DNAJB6: variants seen among roughly 807,000 people sequenced by gnomAD.
DNAJB6 encodes the protein DnaJ heat shock protein family (Hsp40) member B6.
In DNAJB6, 16 loss-of-function variants were observed where a neutral mutation model predicts 42.7. The ratio of observed to expected loss-of-function variants is 0.37; its 90% CI spans 0.25 to 0.57. The LOEUF (loss-of-function observed/expected upper bound fraction) is 0.57, where lower values mean the gene tolerates loss of function less well. Among genes scored for constraint, DNAJB6 ranks in the 20% least tolerant of loss-of-function variants. The pLI, the probability that DNAJB6 is intolerant of heterozygous loss-of-function variation, is 0.74. For missense variants in DNAJB6, 347 were observed against 416.8 expected, an observed-to-expected ratio of 0.83 and a Z score of 1.46; for synonymous variants, 170 against 163.5, an observed-to-expected ratio of 1.04 and a Z score of -0.30.
intron 2 of DNAJB6, among the ~76,000 whole-genome samples, chr7:157,361,275 T>C (rs1316942383): frequency 1.3e-5 from 2 of 151,782 alleles, no homozygotes; most frequent in Non-Finnish European, 2.9e-5. Context: ...TCTCCTGCCT[T>C]AGCCTCCCGA....
At chr7:157,367,596 C>T (rs550768992) in intron 5 of DNAJB6, 113 bp downstream of exon 5, 4 of 725,324 alleles carry the variant, frequency 5.5e-6, no homozygotes, top group Non-Finnish European at 9.9e-6. Context: ...CGCGGTGGCT[C>T]ATGCCTGTAA....
chr7:157,346,743 G>A (rs1383944673), intron 1 of DNAJB6, among the ~76,000 whole-genome samples: 5 of 152,232 alleles, frequency 3.3e-5, no homozygotes, highest in Non-Finnish European at 7.3e-5. Flanking sequence ...AAGCAGTAAG[G>A]AGTGAGCTTG....
At chr7:157,392,577 C>T (rs140490971) in intron 8 of DNAJB6, among the ~76,000 whole-genome samples, 1,864 of 152,190 alleles carry the variant, frequency 0.012, 36 homozygotes, top group African/African-American at 0.042. Flanking sequence ...GCGTTTCTGC[C>T]GGACTCTCGT....
intron 8 of DNAJB6, among the ~76,000 whole-genome samples, chr7:157,402,613 G>A (rs1260968234): frequency 2.6e-5 from 4 of 152,254 alleles, no homozygotes; most frequent in South Asian, 4.1e-4. Flanking sequence ...TGAGGGAGCC[G>A]GGTCCCAGGG....
chr7:157,339,340 C>T (rs1322726756), intron 1 of DNAJB6, among the ~76,000 whole-genome samples: 1 of 133,780 alleles, frequency 7.5e-6, no homozygotes, highest in Non-Finnish European at 1.5e-5. Flanking sequence ...GTCGCCCAGG[C>T]CGTAATTAAT....
chr7:157,391,932 G>A (rs192275254), intron 8 of DNAJB6, among the ~76,000 whole-genome samples: 3 of 151,798 alleles, frequency 2.0e-5, no homozygotes, highest in African/African-American at 4.8e-5. Context: ...GTCAAACCAC[G>A]TCTCTACAAA....
rs143472769 is a variant in DNAJB6 at position 157,355,557 on chromosome 7, G to A, written c.-26-2990G>A. ...AGTTGGACAAGGAGAGCTGGGAAAC[G>A]TCTGTGGGTGGTGCTGTGGGTTTTT... On this transcript the variant is annotated intron_variant, in intron 1 of 9. Coordinates refer to ENST00000262177, the MANE Select transcript of DNAJB6 (RefSeq NM_058246.4). Among the ~76,000 whole-genome samples, 742 of 152,332 alleles carry A rather than the reference G, an allele frequency of 4.9e-3. 5 individuals carry two copies. Among genetic ancestry groups the A allele is most frequent in the Non-Finnish European group, 7.3e-3 (499 of 68,034 alleles).
chr7:157,386,965 A>C (rs540563219), intron 8 of DNAJB6, among the ~76,000 whole-genome samples: 1 of 152,270 alleles, frequency 6.6e-6, no homozygotes, highest in East Asian at 1.9e-4. Flanking sequence ...ACCATTGGTA[A>C]CTAGAATCCT....
chr7:157,376,022 G>A (rs140824705), intron 5 of DNAJB6, among the ~76,000 whole-genome samples: 90 of 152,282 alleles, frequency 5.9e-4, no homozygotes, highest in African/African-American at 2.1e-3. Context: ...CCTGGGCCGC[G>A]GCTGGGAGTG....
intron 8 of DNAJB6, among the ~76,000 whole-genome samples, chr7:157,393,716 G>A (rs1025244361): frequency 3.9e-5 from 6 of 152,142 alleles, no homozygotes; most frequent in African/African-American, 7.2e-5. Context: ...GTAATTGTAC[G>A]TATTTGTAGG....
chr7:157,413,907 A>C (rs1046766963), intron 9 of DNAJB6: 1 of 151,518 alleles, frequency 6.6e-6, no homozygotes, highest in African/African-American at 2.4e-5. Context: ...TTTTTAGTAG[A>C]GATGTGGTTT....
At chr7:157,398,992 G>A (rs1173895309) in intron 8 of DNAJB6, among the ~76,000 whole-genome samples, 3 of 152,262 alleles carry the variant, frequency 2.0e-5, no homozygotes, top group Admixed American at 6.5e-5. Flanking sequence ...TATATAGAAA[G>A]ATTTTAGAAA....
Position 157,416,451 on chromosome 7 carries a change from G to T in DNAJB6, c.*353G>T, listed in dbSNP as rs183388200. ...GGCTTTAGAAGTACAGGAGGGCGCAGATGGCTAACTGAGTAACATTCATGA... is the reference window on the plus strand; with the variant it reads ...GGCTTTAGAAGTACAGGAGGGCGCATATGGCTAACTGAGTAACATTCATGA... On this transcript the variant is annotated 3_prime_UTR_variant, in exon 10 of 10. Coordinates refer to ENST00000262177, the MANE Select transcript of DNAJB6 (RefSeq NM_058246.4). 1 of 237,592 alleles carries T rather than the reference G, an allele frequency of 4.2e-6. No individual in the cohort carries two copies. The highest frequency in any genetic ancestry group is 5.2e-5 in the Admixed American group (1 of 19,346). The allele number at this position is 237,592 out of a possible 1,614,324, so 14.7% of individuals were successfully genotyped here. A position where few individuals can be genotyped will look rare whatever the true frequency, so the allele number is the denominator to read the frequency against.
Position 157,370,214 on chromosome 7 carries a change from C to T in DNAJB6, c.346+2731C>T, listed in dbSNP as rs1331335130. Among the ~76,000 whole-genome samples, 6 of 150,744 alleles carry T rather than the reference C, an allele frequency of 4.0e-5. No homozygotes were observed. The East Asian group carries it at 9.7e-4, about 24-fold the overall frequency. On this transcript the variant is annotated intron_variant, in intron 5 of 9. Coordinates refer to ENST00000262177, the MANE Select transcript of DNAJB6 (RefSeq NM_058246.4). Reference sequence around the variant, plus strand: ...TTCTTAACATTATTATTAAAGAGGCCCTTTCTTCACATTATTATTAAACAG... The same window carrying T: ...TTCTTAACATTATTATTAAAGAGGCTCTTTCTTCACATTATTATTAAACAG...
intron 3 of DNAJB6, among the ~76,000 whole-genome samples, chr7:157,363,590 G>A (rs1240997572): frequency 6.6e-6 from 1 of 152,108 alleles, no homozygotes; most frequent in Non-Finnish European, 1.5e-5. Flanking sequence ...TGCATGTGGC[G>A]TGCTTGCCCC....
At chr7:157,409,139 CT>C (rs1314652103) in intron 8 of DNAJB6, among the ~76,000 whole-genome samples, 1 of 152,034 alleles carries the variant, frequency 6.6e-6, no homozygotes, top group Non-Finnish European at 1.5e-5. Flanking sequence ...TTCCATATTT[CT>C]TTTTTTTAAT....
intron 5 of DNAJB6, among the ~76,000 whole-genome samples, chr7:157,368,380 C>T (rs1199415256): frequency 2.0e-5 from 3 of 152,044 alleles, no homozygotes; most frequent in African/African-American, 7.2e-5. Flanking sequence ...CATTAAGCAC[C>T]ATAGTACTGT....
At chr7:157,366,844 T>C (rs1799870920) in intron 4 of DNAJB6, among the ~76,000 whole-genome samples, 1 of 152,226 alleles carries the variant, frequency 6.6e-6, no homozygotes, top group Non-Finnish European at 1.5e-5. Flanking sequence ...TGACGTTATG[T>C]CAAAATATCC....
chr7:157,364,658 C>T (rs1274780377), intron 3 of DNAJB6, among the ~76,000 whole-genome samples: 1 of 152,058 alleles, frequency 6.6e-6, no homozygotes, highest in South Asian at 2.1e-4. Context: ...TGTGCTAATT[C>T]AGTATTGCCA....
Sources: gnomAD v4.1 joint callset for allele counts (sites outside exome capture counted in the v4.1 genomes callset) on GRCh38, gnomAD v4.1.1 for gene constraint, MANE v1.5 for transcripts, NCBI Gene and HGNC (gene_info 2026-07-23, HGNC 2026-07-21) for gene names.